The following WWOX variants were observed in gnomAD, a reference collection of about 807,000 sequenced individuals.
WWOX encodes the protein WW domain-containing oxidoreductase.
WWOX carries 69 observed loss-of-function variants against 46.2 expected under a neutral mutation model. The ratio of observed to expected loss-of-function variants is 1.49; its 90% CI spans 1.23 to 1.82. WWOX has a LOEUF of 1.82. Among genes scored for constraint, WWOX ranks in the 40% most tolerant of loss-of-function variants. WWOX has a pLI of 0.00. For synonymous variants in WWOX, 359 were observed against 202.6 expected (o/e 1.77, Z -6.56); for missense variants, 919 against 542.6 (o/e 1.69, Z -6.89).
At chr16:78,971,657 C>G (rs2046472838) in intron 8 of WWOX, among the ~76,000 whole-genome samples, 1 of 151,842 alleles carries the variant, frequency 6.6e-6, no homozygotes, top group Admixed American at 6.6e-5. Flanking sequence ...CCTTATATTC[C>G]TTAGGGTTCC....
At chr16:78,821,134 A>G (rs1412255484) in intron 8 of WWOX, among the ~76,000 whole-genome samples, 1 of 152,166 alleles carries the variant, frequency 6.6e-6, no homozygotes, top group Admixed American at 6.5e-5. Flanking sequence ...CATCAAACGT[A>G]TGGGTGTGCT....
At chr16:78,678,725 G>T (rs1188834550) in intron 8 of WWOX, among the ~76,000 whole-genome samples, 1 of 152,190 alleles carries the variant, frequency 6.6e-6, no homozygotes, top group African/African-American at 2.4e-5. Context: ...TTGACGGAGG[G>T]CTGGAAGGGA....
chr16:78,150,297 C>T (rs2034356482), intron 4 of WWOX, among the ~76,000 whole-genome samples: 1 of 152,210 alleles, frequency 6.6e-6, no homozygotes, highest in African/African-American at 2.4e-5. Flanking sequence ...CTTCCATACC[C>T]CCTCCCGGCA....
intron 8 of WWOX, among the ~76,000 whole-genome samples, chr16:78,955,877 C>T (rs1019659254): frequency 6.6e-6 from 1 of 151,796 alleles, no homozygotes; most frequent in African/African-American, 2.4e-5. Flanking sequence ...TTCCTGGCCT[C>T]AAGCGATCTC....
At chr16:79,175,519 T>A (rs999462793) in intron 8 of WWOX, among the ~76,000 whole-genome samples, 15 of 152,158 alleles carry the variant, frequency 9.9e-5, no homozygotes, top group African/African-American at 3.6e-4. Context: ...TATTACTAGG[T>A]AGATTTCTCA....
Position 79,212,304 on chromosome 16 carries a change from G to C in WWOX, c.*508G>C, listed in dbSNP as rs1368225685. 3 of 948,346 alleles carry C rather than the reference G, an allele frequency of 3.2e-6. No individual in the cohort carries two copies. The highest frequency in any genetic ancestry group is 1.7e-5 in the African/African-American group (1 of 60,050). 58.7% of individuals were successfully genotyped at this position (948,346 alleles called of 1,614,324 possible). A position where few individuals can be genotyped will look rare whatever the true frequency, so the allele number is the denominator to read the frequency against. ...GACTGAGCCAGCTTAGCAACTGCTGGGGAGACAAATCTCAGAACCTTGTCC... is the reference window on the plus strand; with the variant it reads ...GACTGAGCCAGCTTAGCAACTGCTGCGGAGACAAATCTCAGAACCTTGTCC... On this transcript the variant is annotated 3_prime_UTR_variant, in exon 9 of 9. Transcript: ENST00000566780.
At chr16:78,154,011 C>T (rs1183146201) in intron 4 of WWOX, among the ~76,000 whole-genome samples, 5 of 152,106 alleles carry the variant, frequency 3.3e-5, no homozygotes, top group Non-Finnish European at 7.4e-5. Context: ...GTCCAACCTA[C>T]CAGTGAGTCT....
At chr16:78,272,448 C>G (rs769623274) in intron 5 of WWOX, among the ~76,000 whole-genome samples, 10 of 152,202 alleles carry the variant, frequency 6.6e-5, no homozygotes, top group Non-Finnish European at 1.5e-4. Flanking sequence ...TTTCTTATGG[C>G]CTGGCTTAGG....
intron 8 of WWOX, among the ~76,000 whole-genome samples, chr16:79,010,313 G>T (rs1402905799): frequency 6.6e-6 from 1 of 152,156 alleles, no homozygotes; most frequent in African/African-American, 2.4e-5. Context: ...CGTGTGCTGA[G>T]GGAAGGTGCC....
chr16:78,422,803 A>G (rs1219809985), intron 6 of WWOX, among the ~76,000 whole-genome samples: 2 of 117,088 alleles, frequency 1.7e-5, no homozygotes, highest in East Asian at 5.3e-4. Flanking sequence ...ACATATATAT[A>G]CACACACATA....
chr16:78,331,771 G>A (rs746653259), intron 5 of WWOX, among the ~76,000 whole-genome samples: 17 of 152,180 alleles, frequency 1.1e-4, no homozygotes, highest in African/African-American at 3.9e-4. Context: ...AGTATTTTAC[G>A]AAGTGCCAGT....
intron 8 of WWOX, among the ~76,000 whole-genome samples, chr16:78,534,030 T>G (rs1185336010): frequency 6.6e-6 from 1 of 152,100 alleles, no homozygotes; most frequent in Non-Finnish European, 1.5e-5. Context: ...GGTAAGAGAG[T>G]TCTCAGAAAA....
intron 8 of WWOX, among the ~76,000 whole-genome samples, chr16:78,915,563 AAAAAATG>A (rs993375005): frequency 6.0e-5 from 9 of 150,624 alleles, no homozygotes; most frequent in African/African-American, 1.9e-4. Flanking sequence ...TGAAGATTTA[AAAAAATG>A]AAAAATTGCA....
intron 8 of WWOX, chr16:79,016,133 G>C (rs940964482): frequency 1.3e-5 from 2 of 152,158 alleles, no homozygotes; most frequent in African/African-American, 2.4e-5. Flanking sequence ...CTCTATTTAA[G>C]CTATCGATTA....
intron 8 of WWOX, among the ~76,000 whole-genome samples, chr16:78,519,404 A>T (rs2043302499): frequency 6.6e-6 from 1 of 152,060 alleles, no homozygotes; most frequent in African/African-American, 2.4e-5. Flanking sequence ...TTCCCACGTC[A>T]GACCTTTCCA....
intron 8 of WWOX, among the ~76,000 whole-genome samples, chr16:79,023,627 C>G (rs1597291152): frequency 6.6e-6 from 1 of 152,000 alleles, no homozygotes; most frequent in Admixed American, 6.6e-5. Flanking sequence ...TGGGATGAAC[C>G]TCAAACATTA....
At chr16:78,863,940 T>C (rs2043947625) in intron 8 of WWOX, among the ~76,000 whole-genome samples, 1 of 152,234 alleles carries the variant, frequency 6.6e-6, no homozygotes, top group Admixed American at 6.5e-5. Context: ...TCTCTCTTTG[T>C]GTGGCTGAAT....
intron 8 of WWOX, among the ~76,000 whole-genome samples, chr16:79,026,323 G>C (rs930744991): frequency 2.0e-5 from 3 of 151,564 alleles, no homozygotes; most frequent in African/African-American, 4.9e-5. Flanking sequence ...TGCCGGGGAG[G>C]CTCTCCCTTC....
At chr16:79,006,767 C>T (rs1284377788) in intron 8 of WWOX, among the ~76,000 whole-genome samples, 1 of 152,110 alleles carries the variant, frequency 6.6e-6, no homozygotes. Flanking sequence ...TGCCCATCTT[C>T]ATGGACTCAG....
Sources: allele counts gnomAD v4.1 joint callset (sites outside exome capture counted in the v4.1 genomes callset), GRCh38; gene constraint gnomAD v4.1.1; transcripts MANE v1.5; gene names NCBI Gene and HGNC (gene_info 2026-07-23, HGNC 2026-07-21).